Variants in ACOX3 observed in about 807,000 individuals in gnomAD.
ACOX3 encodes the protein acyl-CoA oxidase 3, pristanoyl, also known as peroxisomal acyl-coenzyme A oxidase 3.
ACOX3 carries 73 observed loss-of-function variants against 81.5 expected under a neutral mutation model. The observed-to-expected ratio is 0.90, with a 90% CI of 0.74 to 1.09. The LOEUF (loss-of-function observed/expected upper bound fraction) is 1.09, where lower values mean the gene tolerates loss of function less well. ACOX3 is among the 50% of genes least tolerant of loss of function. The pLI, the probability that ACOX3 is intolerant of heterozygous loss-of-function variation, is 0.00. For missense variants in ACOX3, 947 were observed against 928.0 expected (o/e 1.02, Z -0.27); for synonymous variants, 387 against 375.1 (o/e 1.03, Z -0.37).
At chr4:8,440,557 A>G in intron 1 of ACOX3, 91 bp downstream of exon 1, 1 of 434,994 alleles carries the variant, frequency 2.3e-6, no homozygotes, top group Non-Finnish European at 4.0e-6. Context: ...AATGCGTTCC[A>G]CACCCGCTGG....
chr4:8,369,414 T>C (rs1400222415), intron 17 of ACOX3, among the ~76,000 whole-genome samples: 1 of 152,198 alleles, frequency 6.6e-6, no homozygotes, highest in Non-Finnish European at 1.5e-5. Flanking sequence ...GCTCTGCCAC[T>C]CCCTGGCTGG....
chr4:8,366,854 C>CAGAAG lies in ACOX3; in HGVS notation c.*106_*107insCTTCT. 1 of 1,497,010 alleles carries CAGAAG rather than the reference C, an allele frequency of 6.7e-7. No individual in the cohort carries two copies. Among genetic ancestry groups the CAGAAG allele is most frequent in the Non-Finnish European group, 9.1e-7 (1 of 1,098,560 alleles). 92.7% of individuals were successfully genotyped at this position (1,497,010 alleles called of 1,614,324 possible). ...CAGTTTAGGCGCACAGGTGCGGGCT[C>CAGAAG]AGAAAGCAGCAGCAATCTCCGGCGT... is the stretch of plus-strand genomic sequence containing the variant. On this transcript the variant is annotated 3_prime_UTR_variant, in exon 18 of 18. Transcript: ENST00000356406.
rs1722725430 is a variant in ACOX3, at chr4:8,419,642, C to T, written c.-14-3107G>A. ...ACTCTGAGGTATGTACGCAAGAGAACCGAAAACATCACGTCCTCAATGTGT... is the reference window on the plus strand; with the variant it reads ...ACTCTGAGGTATGTACGCAAGAGAATCGAAAACATCACGTCCTCAATGTGT... On this transcript the variant is annotated intron_variant, in intron 1 of 17. Transcript: ENST00000356406. This position sits in a 1 kb window ranked among gnomAD's most constrained non-coding sequence, Gnocchi z 4.2. Among the ~76,000 whole-genome samples, 1 of 152,096 alleles carries T rather than the reference C, an allele frequency of 6.6e-6. No homozygotes were observed. The highest frequency in any genetic ancestry group is 2.1e-4 in the South Asian group (1 of 4,822).
At chr4:8,434,900 T>C (rs530206097) in intron 1 of ACOX3, among the ~76,000 whole-genome samples, 1 of 152,372 alleles carries the variant, frequency 6.6e-6, no homozygotes, top group African/African-American at 2.4e-5. Context: ...AATGACACTT[T>C]GGTTTTAGTT....
intron 3 of ACOX3, among the ~76,000 whole-genome samples, chr4:8,415,337 C>T (rs1034935452): frequency 1.3e-5 from 2 of 152,144 alleles, no homozygotes; most frequent in Admixed American, 6.5e-5. Flanking sequence ...GCCATTTTGC[C>T]CAAGCTCAGC....
chr4:8,397,726 G>A (rs1719878293), intron 8 of ACOX3, among the ~76,000 whole-genome samples: 2 of 152,224 alleles, frequency 1.3e-5, no homozygotes, highest in African/African-American at 4.8e-5. Flanking sequence ...TGATCTGACC[G>A]TCCTTCCTGC....
At chr4:8,402,752 G>A (rs1272122033) in intron 7 of ACOX3, among the ~76,000 whole-genome samples, 1 of 152,210 alleles carries the variant, frequency 6.6e-6, no homozygotes, top group Non-Finnish European at 1.5e-5. Flanking sequence ...CAGCACAGGA[G>A]TTGTGTGTGT....
rs903970192 is a variant in ACOX3 at position 8,384,411 on chromosome 4, T to G, written c.1538-2804A>C. Among the ~76,000 whole-genome samples, 2 of 152,192 alleles carry G rather than the reference T, an allele frequency of 1.3e-5. No individual in the cohort carries two copies. The highest frequency in any genetic ancestry group is 2.9e-5 in the Non-Finnish European group (2 of 68,042). On this transcript the variant is annotated intron_variant, in intron 13 of 17. Transcript: ENST00000356406. The surrounding 1 kb of genome is among the most constrained non-coding windows in gnomAD (Gnocchi z 5.3). ...GTGAAAAAGTATCGCTGAAACAAAC[T>G]AGGCAGGAAAACGGGCACTGACGGG...
intron 1 of ACOX3, among the ~76,000 whole-genome samples, chr4:8,434,555 A>C (rs1025697078): frequency 1.3e-5 from 2 of 152,268 alleles, no homozygotes; most frequent in African/African-American, 4.8e-5. Flanking sequence ...ATGCCTCGTC[A>C]GAGTGGTGCA....
At chr4:8,410,965 G>A (rs1721657648) in intron 5 of ACOX3, among the ~76,000 whole-genome samples, 1 of 152,342 alleles carries the variant, frequency 6.6e-6, no homozygotes, top group Admixed American at 6.5e-5. Context: ...AAGGGGTGTG[G>A]ACAGATCCCC....
rs562638933 is a variant in ACOX3 at position 8,397,159 on chromosome 4, C to T, written c.874-40G>A. ...CAGATGATAAGCTCAAGCCCGGCTG[C>T]GCGGCCACCTTGGGCAGAGTGGCTC... On this transcript the variant is annotated intron_variant, in intron 8 of 17. Transcript: ENST00000356406. 48 of 1,498,988 alleles carry T rather than the reference C, an allele frequency of 3.2e-5. No homozygotes were observed. In the South Asian group the frequency reaches 4.4e-4, roughly 14 times the overall value. The allele number at this position is 1,498,988 out of a possible 1,614,324, so 92.9% of individuals were successfully genotyped here.
At chr4:8,418,523 A>G (rs992453355) in intron 1 of ACOX3, among the ~76,000 whole-genome samples, 2 of 152,138 alleles carry the variant, frequency 1.3e-5, no homozygotes, top group African/African-American at 4.8e-5. Context: ...CAATTAAAAA[A>G]TGGGCAAAGG....
At chr4:8,393,541 A>T (rs1719268780) in intron 10 of ACOX3, among the ~76,000 whole-genome samples, 1 of 151,210 alleles carries the variant, frequency 6.6e-6, no homozygotes, top group Admixed American at 6.6e-5. Flanking sequence ...GATTCAGAGT[A>T]AAAGAAGAAT....
downstream of ACOX3, among the ~76,000 whole-genome samples, chr4:8,362,654 C>T (rs1715257395): frequency 6.6e-6 from 1 of 152,224 alleles, no homozygotes; most frequent in Non-Finnish European, 1.5e-5. Flanking sequence ...CATACCTTGT[C>T]TTCACAGTCC....
chr4:8,393,931 C>A (rs1423434783), intron 10 of ACOX3, among the ~76,000 whole-genome samples: 2 of 152,226 alleles, frequency 1.3e-5, no homozygotes, highest in African/African-American at 4.8e-5. Context: ...GCTCTGCCAT[C>A]AATCCTGCAG....
intron 1 of ACOX3, among the ~76,000 whole-genome samples, chr4:8,417,783 G>A (rs1419279802): frequency 1.3e-5 from 2 of 152,198 alleles, no homozygotes; most frequent in Non-Finnish European, 2.9e-5. Context: ...TGCAAAGACT[G>A]ACACAATTGG....
chr4:8,383,308 C>G (rs568846867), intron 13 of ACOX3, among the ~76,000 whole-genome samples: 1 of 152,238 alleles, frequency 6.6e-6, no homozygotes, highest in Non-Finnish European at 1.5e-5. Flanking sequence ...AGGCATGGGG[C>G]GCTGAATGGT....
In ACOX3 at chr4:8,399,946, A is replaced by C. The variant is rs1578927871; in HGVS notation, c.777-294T>G. On this transcript the variant is annotated intron_variant, in intron 7 of 17. Transcript: ENST00000356406. This position sits in a 1 kb window ranked among gnomAD's most constrained non-coding sequence, Gnocchi z 4.9. The stretch of plus-strand genomic sequence containing the variant: ...GAGACCCTGTTTCTAAAAAAGAAAA[A>C]AATGTAGGTTAAAAAATAGGCTGGG... 6.6e-6 allele frequency among the ~76,000 whole-genome samples: 1 copy of C among 152,088 alleles called. No homozygotes were observed. Among genetic ancestry groups the C allele is most frequent in the Admixed American group, 6.5e-5 (1 of 15,276 alleles).
downstream of ACOX3, among the ~76,000 whole-genome samples, chr4:8,362,159 C>G (rs1715243331): frequency 6.6e-6 from 1 of 152,130 alleles, no homozygotes; most frequent in South Asian, 2.1e-4. Context: ...TTTTTAATAA[C>G]TTTGGAAATT....
Sources: allele counts gnomAD v4.1 joint callset (sites outside exome capture counted in the v4.1 genomes callset), GRCh38; gene constraint gnomAD v4.1.1; non-coding constraint Gnocchi (gnomAD v3.1); transcripts MANE v1.5; gene names NCBI Gene and HGNC (gene_info 2026-07-23, HGNC 2026-07-21).